NXPH1: variants seen among roughly 807,000 people sequenced by gnomAD.
NXPH1 encodes the protein neurexophilin-1.
A neutral mutation model predicts 23.7 loss-of-function variants in NXPH1; 5 were observed. That is an observed-to-expected ratio of 0.21 (90% CI 0.11 to 0.44). NXPH1 has a LOEUF of 0.44. Ranked by LOEUF, NXPH1 falls within the 20% of genes least tolerant of loss-of-function variation. The pLI is 0.99. For synonymous variants in NXPH1, 144 were observed against 122.2 expected, an observed-to-expected ratio of 1.18 and a Z score of -1.18; for missense variants, 324 against 321.6, an observed-to-expected ratio of 1.01 and a Z score of -0.06.
At chr7:8,630,404 G>A (rs1339097605) in intron 2 of NXPH1, among the ~76,000 whole-genome samples, 1 of 152,110 alleles carries the variant, frequency 6.6e-6, no homozygotes, top group Non-Finnish European at 1.5e-5. Flanking sequence ...CAGGTGCAAT[G>A]CTTCCTCATG....
chr7:8,560,606 A>T (rs180838314), intron 2 of NXPH1, among the ~76,000 whole-genome samples: 31 of 151,790 alleles, frequency 2.0e-4, no homozygotes, highest in Non-Finnish European at 3.7e-4. Flanking sequence ...AGGGAAAATC[A>T]AGGAAGGGGG....
At chr7:8,726,953 CA>C (rs903648289) in intron 2 of NXPH1, among the ~76,000 whole-genome samples, 17 of 149,574 alleles carry the variant, frequency 1.1e-4, no homozygotes, top group African/African-American at 3.9e-4. Flanking sequence ...GTCCCACCAA[CA>C]GTGTAAAAGT....
At chr7:8,461,113 G>C (rs963347162) in intron 2 of NXPH1, among the ~76,000 whole-genome samples, 3 of 152,198 alleles carry the variant, frequency 2.0e-5, no homozygotes, top group African/African-American at 7.2e-5. Context: ...TTGGAGAATT[G>C]CTTGGAGAAG....
At chr7:8,565,346 C>G (rs1041890739) in intron 2 of NXPH1, among the ~76,000 whole-genome samples, 3 of 151,766 alleles carry the variant, frequency 2.0e-5, no homozygotes, top group African/African-American at 7.3e-5. Context: ...GCACGCAATG[C>G]AGGATCTTAG....
intron 2 of NXPH1, among the ~76,000 whole-genome samples, chr7:8,736,509 T>C (rs1416309520): frequency 6.6e-6 from 1 of 152,204 alleles, no homozygotes; most frequent in East Asian, 1.9e-4. Context: ...TGTTATGATT[T>C]CTGTTATTTT....
intron 2 of NXPH1, among the ~76,000 whole-genome samples, chr7:8,688,179 C>T (rs1021866930): frequency 6.6e-6 from 1 of 152,128 alleles, no homozygotes; most frequent in South Asian, 2.1e-4. Context: ...AAATGCACAG[C>T]TGACTGATCA....
At chr7:8,694,274 C>T (rs920022985) in intron 2 of NXPH1, among the ~76,000 whole-genome samples, 1 of 152,126 alleles carries the variant, frequency 6.6e-6, no homozygotes, top group Non-Finnish European at 1.5e-5. Context: ...TTCAGATGCC[C>T]CTATGTGCAT....
intron 2 of NXPH1, among the ~76,000 whole-genome samples, chr7:8,724,304 C>T (rs761266327): frequency 6.6e-6 from 1 of 152,158 alleles, no homozygotes; most frequent in African/African-American, 2.4e-5. Flanking sequence ...TGCCCTCTAG[C>T]GGCAGCTGGA....
Position 8,751,626 on chromosome 7 carries a change from A to G in NXPH1, c.673A>G (p.Ser225Gly). 6.2e-7 allele frequency: 1 copy of G among 1,613,566 alleles called. No individual in the cohort carries two copies. The highest frequency in any genetic ancestry group is 8.5e-7 in the Non-Finnish European group (1 of 1,179,744). The change falls in exon 3 of 3, where the codon AGT becomes GGT. Residue 225 changes from serine (S) to glycine (G), a missense_variant. Ser to Gly is a moderately conservative substitution (Grantham distance 56). Transcript: ENST00000405863. The surrounding 1 kb of genome is among the most constrained non-coding windows in gnomAD (Gnocchi z 4.5). The part of the protein sequence containing the change: ...SKTCYQEQTQ[S>G]HVSWLCSKPF... Reference sequence around the variant, plus strand: ...AACCTGTTACCAGGAGCAAACCCAAAGTCATGTATCCTGGCTCTGCTCCAA... The same window carrying G: ...AACCTGTTACCAGGAGCAAACCCAAGGTCATGTATCCTGGCTCTGCTCCAA...
chr7:8,730,917 A>C (rs1016373963), intron 2 of NXPH1, among the ~76,000 whole-genome samples: 1 of 150,828 alleles, frequency 6.6e-6, no homozygotes, highest in Non-Finnish European at 1.5e-5. Flanking sequence ...GTTCTCCTGG[A>C]TAATATCCTG....
chr7:8,595,077 C>A (rs951673023), intron 2 of NXPH1, among the ~76,000 whole-genome samples: 6 of 151,916 alleles, frequency 3.9e-5, no homozygotes, highest in African/African-American at 7.3e-5. Flanking sequence ...ATTATTTGGC[C>A]CTAATTTTCA....
intron 2 of NXPH1, among the ~76,000 whole-genome samples, chr7:8,542,496 C>A (rs1234610649): frequency 2.0e-5 from 3 of 151,470 alleles, no homozygotes; most frequent in African/African-American, 7.3e-5. Flanking sequence ...GTATAGAAAA[C>A]TCTATGCAAC....
chr7:8,577,548 T>G (rs776813380), intron 2 of NXPH1, among the ~76,000 whole-genome samples: 9 of 152,196 alleles, frequency 5.9e-5, no homozygotes, highest in Non-Finnish European at 8.8e-5. Context: ...GATCTATGAT[T>G]CCAGCCATAG....
At chr7:8,682,667 A>G (rs1821074963) in intron 2 of NXPH1, among the ~76,000 whole-genome samples, 3 of 152,230 alleles carry the variant, frequency 2.0e-5, no homozygotes, top group Non-Finnish European at 4.4e-5. Context: ...TGCTTAATGG[A>G]AATGAGTACC....
chr7:8,533,918 T>G (rs1287366525), intron 2 of NXPH1, among the ~76,000 whole-genome samples: 1 of 151,700 alleles, frequency 6.6e-6, no homozygotes, highest in East Asian at 2.0e-4. Flanking sequence ...TATGCCTCAG[T>G]TCACTGACGT....
intron 2 of NXPH1, among the ~76,000 whole-genome samples, chr7:8,483,435 G>A (rs1034876888): frequency 6.6e-6 from 1 of 151,916 alleles, no homozygotes; most frequent in Admixed American, 6.6e-5. Flanking sequence ...GGCTCAAGCG[G>A]TCTACCCACC....
At chr7:8,611,987 T>C (rs1819631067) in intron 2 of NXPH1, among the ~76,000 whole-genome samples, 1 of 152,136 alleles carries the variant, frequency 6.6e-6, no homozygotes, top group Non-Finnish European at 1.5e-5. Flanking sequence ...GCCAGATGCA[T>C]TTATAAATAT....
chr7:8,487,973 T>C (rs186821457), intron 2 of NXPH1, among the ~76,000 whole-genome samples: 13 of 152,262 alleles, frequency 8.5e-5, no homozygotes, highest in Admixed American at 3.3e-4. Context: ...TAAAAGGCCA[T>C]TACAAGGCTT....
chr7:8,488,852 C>G (rs1182215651), intron 2 of NXPH1, among the ~76,000 whole-genome samples: 2 of 152,142 alleles, frequency 1.3e-5, no homozygotes, highest in Non-Finnish European at 2.9e-5. Context: ...TCAATAAAAA[C>G]AGCTAATGCC....
Sources: allele counts gnomAD v4.1 joint callset (sites outside exome capture counted in the v4.1 genomes callset), GRCh38; gene constraint gnomAD v4.1.1; non-coding constraint Gnocchi (gnomAD v3.1); transcripts MANE v1.5; gene names NCBI Gene and HGNC (gene_info 2026-07-23, HGNC 2026-07-21).